The following LRSAM1 variants were observed in gnomAD, a reference collection of about 807,000 sequenced individuals.
LRSAM1 encodes leucine rich repeat and sterile alpha motif containing 1, also known as E3 ubiquitin-protein ligase LRSAM1.
A neutral mutation model predicts 118.1 loss-of-function variants in LRSAM1; 96 were observed. That is an observed-to-expected ratio of 0.81 (90% CI 0.69 to 0.96). LRSAM1 has a LOEUF of 0.96. LRSAM1 is among the 40% of genes least tolerant of loss of function. LRSAM1 has a pLI of 0.00. For missense variants in LRSAM1, 804 were observed against 915.5 expected (o/e 0.88, Z 1.57); for synonymous variants, 322 against 364.2 (o/e 0.88, Z 1.32).
chr9:127,461,642 T>G (rs763219661), intron 8 of LRSAM1, among the ~76,000 whole-genome samples: 2 of 152,212 alleles, frequency 1.3e-5, no homozygotes, highest in African/African-American at 2.4e-5. Flanking sequence ...AGGAGTCCAC[T>G]GGGCAGGCTG....
intron 16 of LRSAM1, among the ~76,000 whole-genome samples, chr9:127,484,960 A>G (rs1835676997): frequency 6.6e-6 from 1 of 151,768 alleles, no homozygotes; most frequent in African/African-American, 2.4e-5. Flanking sequence ...GGCACCTGCC[A>G]CCATGCCCGG....
Position 127,481,166 on chromosome 9 carries a change from T to C in LRSAM1, c.1044-17T>C, listed in dbSNP as rs1156403651. On this transcript the variant is annotated splice_polypyrimidine_tract_variant and intron_variant, in intron 14 of 25. Coordinates refer to ENST00000300417, the MANE Select transcript of LRSAM1 (RefSeq NM_001005373.4). ...CCTGCTGGTGACTGCCAGGACCTTT[T>C]ATGATTTTCTCCACAGACAAAAGAA... 1 of 1,613,996 alleles carries C rather than the reference T, an allele frequency of 6.2e-7. No individual in the cohort carries two copies. The highest frequency in any genetic ancestry group is 8.5e-7 in the Non-Finnish European group (1 of 1,179,998).
chr9:127,457,176 C>T lies in LRSAM1; in HGVS notation c.175-140C>T, dbSNP rs980216289. On this transcript the variant is annotated intron_variant, in intron 5 of 25. Coordinates refer to ENST00000300417, the MANE Select transcript of LRSAM1 (RefSeq NM_001005373.4). ...TTCCCCATTGGGAGAGTTCATGATACTGACCCGCATCCCCGTGGTGGTGTC... is the reference window on the plus strand; with the variant it reads ...TTCCCCATTGGGAGAGTTCATGATATTGACCCGCATCCCCGTGGTGGTGTC... The T allele has an allele frequency of 9.6e-6, 8 of 831,726 alleles. No individual in the cohort carries two copies. The Admixed American group carries it at 1.2e-4, about 12-fold the overall frequency. 51.5% of individuals were successfully genotyped at this position (831,726 alleles called of 1,614,324 possible). A position where few individuals can be genotyped will look rare whatever the true frequency, so the allele number is the denominator to read the frequency against.
In LRSAM1 at chr9:127,491,369, G is replaced by A. The variant is rs1263163965; in HGVS notation, c.1503+74G>A. The A allele has an allele frequency of 6.5e-6, 8 of 1,222,196 alleles. No homozygotes were observed. In the African/African-American group the frequency reaches 1.2e-4, roughly 18 times the overall value. 75.7% of individuals were successfully genotyped at this position (1,222,196 alleles called of 1,614,324 possible). On this transcript the variant is annotated intron_variant, in intron 20 of 25. Coordinates refer to ENST00000300417, the MANE Select transcript of LRSAM1 (RefSeq NM_001005373.4). ...ACCTGGTGCTCCCTCCCAGCCTCTG[G>A]CAGCTGCTCACCAGCCCCTGGGAGT...
intron 11 of LRSAM1, among the ~76,000 whole-genome samples, chr9:127,474,828 C>T (rs62584995): frequency 1.3e-5 from 2 of 152,136 alleles, no homozygotes; most frequent in Non-Finnish European, 2.9e-5. Flanking sequence ...GGAGGAAGCT[C>T]AAAGGGTTTG....
chr9:127,499,348 T>C (rs1035832998), intron 24 of LRSAM1, among the ~76,000 whole-genome samples: 6 of 151,852 alleles, frequency 4.0e-5, no homozygotes, highest in African/African-American at 9.7e-5. Context: ...CACTCCAGCC[T>C]GGAAAAGAGT....
chr9:127,483,080 GAT>G, intron 16 of LRSAM1, 60 bp downstream of exon 16: 1 of 1,518,424 alleles, frequency 6.6e-7, no homozygotes, highest in Non-Finnish European at 9.1e-7. Context: ...TGGCAGGGTG[GAT>G]GGCCCTCCCT....
chr9:127,498,394 C>T (rs1836237892), intron 24 of LRSAM1, among the ~76,000 whole-genome samples: 1 of 152,222 alleles, frequency 6.6e-6, no homozygotes, highest in Non-Finnish European at 1.5e-5. Context: ...AGTTTTCCAT[C>T]AGGAGTTGGG....
chr9:127,453,966 C>T (rs1409441607), intron 2 of LRSAM1: 9 of 184,508 alleles, frequency 4.9e-5, no homozygotes, highest in Non-Finnish European at 1.0e-4. Context: ...TCCCTGGCTC[C>T]ATGGAACTCG....
chr9:127,503,082 C>G lies in LRSAM1; in HGVS notation c.*183C>G. 1.3e-6 allele frequency: 1 copy of G among 765,576 alleles called. No homozygotes were observed. The highest frequency in any genetic ancestry group is 2.7e-5 in the East Asian group (1 of 36,640). The allele number at this position is 765,576 out of a possible 1,614,324, so 47.4% of individuals were successfully genotyped here. On this transcript the variant is annotated 3_prime_UTR_variant, in exon 26 of 26. Transcript: ENST00000300417. ...ATGTCTGGGCCAGGCAGAGGTGCTCCTCATCCATGACACCACCAGTCTGAA... is the reference window on the plus strand; with the variant it reads ...ATGTCTGGGCCAGGCAGAGGTGCTCGTCATCCATGACACCACCAGTCTGAA...
rs1835252606 is a variant in LRSAM1, at chr9:127,473,668, C to T, written c.620-133C>T. 8 of 1,275,862 alleles carry T rather than the reference C, an allele frequency of 6.3e-6. No homozygotes were observed. In the Admixed American group the frequency reaches 7.1e-5, roughly 11 times the overall value. The allele number at this position is 1,275,862 out of a possible 1,614,324, so 79.0% of individuals were successfully genotyped here. ...GCTAGGACCGGTGAAAAACACGAAG[C>T]GCCCAGGCTAGGGAAGAGGAGAGCA... On this transcript the variant is annotated intron_variant, in intron 10 of 25. Coordinates refer to ENST00000300417, the MANE Select transcript of LRSAM1 (RefSeq NM_001005373.4).
Position 127,486,087 on chromosome 9 carries a change from T to A in LRSAM1, c.1259+252T>A, listed in dbSNP as rs2243464. Among the ~76,000 whole-genome samples, 65,915 of 152,158 alleles carry A rather than the reference T, an allele frequency of 0.43. 15,091 individuals carry two copies. The highest frequency in any genetic ancestry group is 0.5 in the Non-Finnish European group (33,873 of 68,000). The stretch of plus-strand genomic sequence containing the variant: ...ACTTCCTGTGTGGCAGGCACTCGGC[T>A]AAGCGATGAACCACATTCGCTGATT... On this transcript the variant is annotated intron_variant, in intron 17 of 25. Coordinates refer to ENST00000300417, the MANE Select transcript of LRSAM1 (RefSeq NM_001005373.4).
intron 11 of LRSAM1, among the ~76,000 whole-genome samples, chr9:127,476,242 AGCCTCGGCTC>A (rs1450057546): frequency 6.6e-6 from 1 of 152,210 alleles, no homozygotes; most frequent in Non-Finnish European, 1.5e-5. Flanking sequence ...GGAGCATTTG[AGCCTCGGCTC>A]GCTGGGACAC....
intron 6 of LRSAM1, among the ~76,000 whole-genome samples, chr9:127,458,210 G>A (rs1448579260): frequency 4.6e-5 from 7 of 151,634 alleles, no homozygotes; most frequent in African/African-American, 9.7e-5. Flanking sequence ...GTGAAACCCC[G>A]TCTCTACTAA....
At chr9:127,483,504 G>T (rs904092477) in intron 16 of LRSAM1, among the ~76,000 whole-genome samples, 2 of 151,852 alleles carry the variant, frequency 1.3e-5, no homozygotes, top group Non-Finnish European at 2.9e-5. Context: ...TTAAATAAAT[G>T]TTGGTGATCC....
chr9:127,473,251 A>G (rs1835238940), intron 10 of LRSAM1, among the ~76,000 whole-genome samples: 1 of 152,254 alleles, frequency 6.6e-6, no homozygotes, highest in Non-Finnish European at 1.5e-5. Context: ...GAAGGACACC[A>G]TCATCAAAGT....
At chr9:127,495,799 C>CTA (rs1836111496) in intron 22 of LRSAM1, among the ~76,000 whole-genome samples, 165 bp from the exon 23 acceptor site, 1 of 150,272 alleles carries the variant, frequency 6.7e-6, no homozygotes, top group Admixed American at 6.6e-5. Context: ...ACCCCTGGGC[C>CTA]TATCTATCTA....
intron 5 of LRSAM1, 63 bp downstream of exon 5, chr9:127,455,683 G>T: frequency 6.7e-7 from 1 of 1,500,188 alleles, no homozygotes; most frequent in South Asian, 1.1e-5. Context: ...GAACCCACAA[G>T]GGACTTTGAG....
intron 10 of LRSAM1, among the ~76,000 whole-genome samples, chr9:127,468,701 C>T (rs183254320): frequency 6.7e-6 from 1 of 149,458 alleles, no homozygotes; most frequent in East Asian, 2.0e-4. Flanking sequence ...TAAGGCCAGA[C>T]ATGGTGGCTT....
Sources: allele counts gnomAD v4.1 joint callset (sites outside exome capture counted in the v4.1 genomes callset), GRCh38; gene constraint gnomAD v4.1.1; transcripts MANE v1.5; gene names NCBI Gene and HGNC (gene_info 2026-07-23, HGNC 2026-07-21).